FNBP1L: variants seen among roughly 807,000 people sequenced by gnomAD.
The protein encoded by FNBP1L is formin binding protein 1 like.
Under a neutral mutation model 91.2 loss-of-function variants are expected in FNBP1L, and 36 were observed. The ratio of observed to expected loss-of-function variants is 0.39; its 90% CI spans 0.30 to 0.52. The LOEUF (loss-of-function observed/expected upper bound fraction) is 0.52. Among genes scored for constraint, FNBP1L ranks in the 20% least tolerant of loss-of-function variants. FNBP1L has a pLI of 0.66. For missense variants in FNBP1L, 571 were observed against 732.1 expected (o/e 0.78, Z 2.54); for synonymous variants, 242 against 237.0 (o/e 1.02, Z -0.19).
intron 1 of FNBP1L, among the ~76,000 whole-genome samples, chr1:93,461,857 C>G (rs1044640906): frequency 6.6e-6 from 1 of 152,160 alleles, no homozygotes; most frequent in African/African-American, 2.4e-5. Flanking sequence ...AGTAACTGAT[C>G]TGACATTTTA....
intron 1 of FNBP1L, among the ~76,000 whole-genome samples, chr1:93,491,584 A>G (rs1025447659): frequency 3.9e-5 from 6 of 152,088 alleles, no homozygotes; most frequent in Non-Finnish European, 8.8e-5. Flanking sequence ...TTATCCTCCC[A>G]CCTGGGCCTC....
At chr1:93,523,962 T>G (rs1671418650) in intron 4 of FNBP1L, among the ~76,000 whole-genome samples, 1 of 152,208 alleles carries the variant, frequency 6.6e-6, no homozygotes, top group African/African-American at 2.4e-5. Context: ...TTATCTGACC[T>G]TGTATAAAAA....
chr1:93,543,987 C>CCGAAGCA, intron 11 of FNBP1L, 120 bp from the exon 12 acceptor site: 1 of 528,918 alleles, frequency 1.9e-6, no homozygotes, highest in South Asian at 6.1e-5. Context: ...TAAGGGGTTG[C>CCGAAGCA]TTGAGGCAAA....
At chr1:93,489,083 A>G (rs1422869165) in intron 1 of FNBP1L, among the ~76,000 whole-genome samples, 2 of 152,308 alleles carry the variant, frequency 1.3e-5, no homozygotes, top group South Asian at 4.2e-4. Context: ...TCAAAGCACA[A>G]CTAGCCAACC....
chr1:93,551,183 C>A, intron 16 of FNBP1L, 78 bp downstream of exon 16: 1 of 1,424,334 alleles, frequency 7.0e-7, no homozygotes. Context: ...AAAATGAAAA[C>A]ACATTCAACA....
intron 1 of FNBP1L, among the ~76,000 whole-genome samples, chr1:93,486,601 T>A (rs1033686081): frequency 2.0e-5 from 3 of 152,192 alleles, no homozygotes; most frequent in Admixed American, 6.5e-5. Flanking sequence ...TAATAATAAT[T>A]CTTAATTCAA....
intron 16 of FNBP1L, chr1:93,552,144 G>A (rs1397319329): frequency 7.5e-6 from 9 of 1,200,702 alleles, no homozygotes; most frequent in African/African-American, 3.1e-5. Context: ...TTCAGCAAGC[G>A]TTGTTGGAAA....
intron 1 of FNBP1L, among the ~76,000 whole-genome samples, chr1:93,484,811 T>G (rs760564161): frequency 5.3e-4 from 81 of 152,196 alleles, no homozygotes; most frequent in Non-Finnish European, 7.5e-4. Context: ...TTTGAGATGT[T>G]GGGAGGCAGA....
intron 16 of FNBP1L, chr1:93,552,136 C>T: frequency 1.7e-6 from 2 of 1,193,360 alleles, no homozygotes; most frequent in Non-Finnish European, 2.1e-6. Flanking sequence ...CAATTAGTTT[C>T]AGCAAGCGTT....
chr1:93,532,377 G>A (rs995114619), intron 7 of FNBP1L, among the ~76,000 whole-genome samples: 1 of 148,550 alleles, frequency 6.7e-6, no homozygotes, highest in Non-Finnish European at 1.5e-5. Flanking sequence ...CGAGGCAGGA[G>A]AATTGCTTGA....
intron 1 of FNBP1L, among the ~76,000 whole-genome samples, chr1:93,492,477 T>C (rs1374062910): frequency 2.0e-5 from 3 of 152,128 alleles, no homozygotes; most frequent in African/African-American, 7.2e-5. Context: ...AAATAAGAAA[T>C]GGGATACTTT....
At chr1:93,512,604 C>G (rs1467823911) in intron 2 of FNBP1L, among the ~76,000 whole-genome samples, 5 of 150,824 alleles carry the variant, frequency 3.3e-5, no homozygotes, top group Admixed American at 1.3e-4. Flanking sequence ...AACTAGAACT[C>G]AGGATTAAGA....
chr1:93,468,147 TC>T (rs1308311421), intron 1 of FNBP1L, among the ~76,000 whole-genome samples: 1 of 152,154 alleles, frequency 6.6e-6, no homozygotes, highest in African/African-American at 2.4e-5. Context: ...CCACTAATCT[TC>T]CTGTCTCAAC....
At chr1:93,549,611 A>T (rs1191588434) in intron 15 of FNBP1L, among the ~76,000 whole-genome samples, 185 bp downstream of exon 15, 2 of 152,202 alleles carry the variant, frequency 1.3e-5, no homozygotes, top group Non-Finnish European at 2.9e-5. Context: ...TCTTCCGTAC[A>T]TGGAATTAAA....
chr1:93,538,200 A>G (rs531277474), intron 10 of FNBP1L, among the ~76,000 whole-genome samples: 16 of 152,120 alleles, frequency 1.1e-4, no homozygotes, highest in Admixed American at 9.8e-4. Context: ...TAAGGAAAAA[A>G]AAAACTCAGG....
intron 1 of FNBP1L, among the ~76,000 whole-genome samples, chr1:93,479,260 C>T (rs1189699705): frequency 6.6e-6 from 1 of 152,122 alleles, no homozygotes; most frequent in Non-Finnish European, 1.5e-5. Flanking sequence ...ACAAAGATCA[C>T]ATGCTTCAAA....
At chr1:93,468,131 A>G (rs530828642) in intron 1 of FNBP1L, among the ~76,000 whole-genome samples, 1 of 152,134 alleles carries the variant, frequency 6.6e-6, no homozygotes, top group Non-Finnish European at 1.5e-5. Context: ...CCCCAGCCCT[A>G]GGAAACCACT....
At chr1:93,481,251 T>C (rs565100736) in intron 1 of FNBP1L, among the ~76,000 whole-genome samples, 38 of 152,300 alleles carry the variant, frequency 2.5e-4, no homozygotes, top group African/African-American at 7.2e-4. Flanking sequence ...TCCTTTTTTT[T>C]CCCTAAGGCT....
chr1:93,524,172 T>C (rs1671423871), intron 4 of FNBP1L, 89 bp from the exon 5 acceptor site: 4 of 1,093,144 alleles, frequency 3.7e-6, no homozygotes, highest in Non-Finnish European at 4.9e-6. Context: ...TTGGGGACTT[T>C]AGACTTTAGT....
Sources: gnomAD v4.1 joint callset for allele counts (sites outside exome capture counted in the v4.1 genomes callset) on GRCh38, gnomAD v4.1.1 for gene constraint, MANE v1.5 for transcripts, NCBI Gene and HGNC (gene_info 2026-07-23, HGNC 2026-07-21) for gene names.